Variants in TTC29 observed in about 807,000 individuals in gnomAD.
TTC29 encodes tetratricopeptide repeat domain 29, also known as tetratricopeptide repeat protein 29.
In TTC29, 49 loss-of-function variants were observed where a neutral mutation model predicts 58.1. The ratio of observed to expected loss-of-function variants is 0.84; its 90% confidence interval spans 0.67 to 1.07. The LOEUF (loss-of-function observed/expected upper bound fraction) is 1.07. Among genes scored for constraint, TTC29 ranks in the 50% least tolerant of loss-of-function variants. The pLI is 0.00. For missense variants in TTC29, 582 were observed against 555.6 expected, an observed-to-expected ratio of 1.05 and a Z score of -0.48; for synonymous variants, 209 against 196.8, an observed-to-expected ratio of 1.06 and a Z score of -0.52.
chr4:146,816,532 G>C (rs1038364500), intron 10 of TTC29, among the ~76,000 whole-genome samples: 9 of 152,060 alleles, frequency 5.9e-5, no homozygotes, highest in Non-Finnish European at 1.2e-4. Flanking sequence ...TGGTGGAGAT[G>C]GGGGAGAGGG....
intron 9 of TTC29, among the ~76,000 whole-genome samples, chr4:146,830,416 C>G (rs1728080718): frequency 6.6e-6 from 1 of 152,110 alleles, no homozygotes; most frequent in Non-Finnish European, 1.5e-5. Context: ...ATTCTTATAA[C>G]CATTTTAGAA....
intron 7 of TTC29, among the ~76,000 whole-genome samples, chr4:146,869,537 G>A (rs2150213332): frequency 6.6e-6 from 1 of 152,178 alleles, no homozygotes; most frequent in South Asian, 2.1e-4. Context: ...ACTAGTGAAG[G>A]GAAAAACAGA....
intron 8 of TTC29, among the ~76,000 whole-genome samples, chr4:146,866,123 G>C: frequency 6.6e-6 from 1 of 152,178 alleles, no homozygotes; most frequent in East Asian, 1.9e-4. Context: ...GAAAAGAACT[G>C]TGAGACTGAG....
chr4:146,728,372 G>C (rs1394292544), intron 11 of TTC29, among the ~76,000 whole-genome samples: 2 of 151,442 alleles, frequency 1.3e-5, no homozygotes, highest in African/African-American at 4.8e-5. Flanking sequence ...CATCTAAGTT[G>C]TTTGCAATCT....
intron 11 of TTC29, among the ~76,000 whole-genome samples, chr4:146,771,298 G>T (rs1174124505): frequency 2.0e-5 from 3 of 152,020 alleles, no homozygotes; most frequent in Non-Finnish European, 4.4e-5. Context: ...ACATGTGCAG[G>T]TTTGTTATAT....
chr4:146,797,832 T>TTATATA (rs70958528), intron 11 of TTC29, among the ~76,000 whole-genome samples: 11,468 of 129,602 alleles, frequency 0.088, 480 homozygotes, highest in Middle Eastern at 0.1. Flanking sequence ...TTACTTTGTT[T>TTATATA]TATATATATA....
intron 7 of TTC29, among the ~76,000 whole-genome samples, chr4:146,871,188 A>G (rs1296404984): frequency 6.6e-6 from 1 of 152,000 alleles, no homozygotes; most frequent in Non-Finnish European, 1.5e-5. Flanking sequence ...ACATATGCTA[A>G]TCAATTAGTA....
chr4:146,902,494 CA>C (rs1217280079), intron 6 of TTC29, among the ~76,000 whole-genome samples: 15 of 152,180 alleles, frequency 9.9e-5, no homozygotes, highest in Admixed American at 5.2e-4. Context: ...CCACACTTCC[CA>C]CTGGACGCAG....
At chr4:146,752,605 G>A (rs1192187324) in intron 11 of TTC29, among the ~76,000 whole-genome samples, 1 of 151,772 alleles carries the variant, frequency 6.6e-6, no homozygotes, top group Non-Finnish European at 1.5e-5. Flanking sequence ...TCAATCCTAA[G>A]CCAAAAGAAC....
chr4:146,900,266 A>G (rs768578189), intron 6 of TTC29, among the ~76,000 whole-genome samples: 68 of 152,390 alleles, frequency 4.5e-4, no homozygotes, highest in Non-Finnish European at 7.5e-4. Flanking sequence ...TTAAGGGCAT[A>G]GAAAAATATT....
chr4:146,907,721 A>G (rs1294606321), intron 5 of TTC29, among the ~76,000 whole-genome samples: 2 of 152,130 alleles, frequency 1.3e-5, no homozygotes, highest in African/African-American at 2.4e-5. Context: ...GCTGGTCTCA[A>G]ACTCCTGACC....
At chr4:146,928,277 T>C (rs1031086520) in intron 4 of TTC29, among the ~76,000 whole-genome samples, 5 of 152,184 alleles carry the variant, frequency 3.3e-5, no homozygotes, top group Non-Finnish European at 5.9e-5. Context: ...CTACTTATTA[T>C]GTGTGTGTCC....
intron 11 of TTC29, among the ~76,000 whole-genome samples, chr4:146,772,890 A>G (rs1043574626): frequency 2.0e-5 from 3 of 151,648 alleles, no homozygotes; most frequent in Non-Finnish European, 4.4e-5. Context: ...GTTATCTCTG[A>G]TATCTTTGAG....
chr4:146,840,529 TA>T (rs1206223672), intron 8 of TTC29, among the ~76,000 whole-genome samples: 11 of 152,108 alleles, frequency 7.2e-5, no homozygotes, highest in Admixed American at 6.6e-5. Flanking sequence ...TATAAAGGGC[TA>T]AAAATTTAGT....
chr4:146,746,159 A>AT (rs1293485337), intron 11 of TTC29, among the ~76,000 whole-genome samples: 7 of 152,130 alleles, frequency 4.6e-5, no homozygotes, highest in African/African-American at 1.7e-4. Context: ...GGGAGGATAG[A>AT]TTTTATGAAT....
At chr4:146,920,805 G>T (rs1409699805) in intron 4 of TTC29, among the ~76,000 whole-genome samples, 2 of 150,980 alleles carry the variant, frequency 1.3e-5, no homozygotes, top group African/African-American at 4.8e-5. Flanking sequence ...AAATCTGTAT[G>T]TCTTGGGTGA....
chr4:146,814,182 C>G (rs1751225810), intron 10 of TTC29, among the ~76,000 whole-genome samples: 1 of 152,102 alleles, frequency 6.6e-6, no homozygotes, highest in South Asian at 2.1e-4. Flanking sequence ...AGTTTCCGCT[C>G]TCATTAAACT....
At chr4:146,873,358 T>C (rs1238287353) in intron 7 of TTC29, among the ~76,000 whole-genome samples, 4 of 152,160 alleles carry the variant, frequency 2.6e-5, no homozygotes, top group African/African-American at 9.6e-5. Context: ...AAATATTTTT[T>C]GGTTTTAAAA....
intron 11 of TTC29, among the ~76,000 whole-genome samples, chr4:146,722,030 G>GAGTC (rs1215697248): frequency 6.2e-5 from 9 of 145,276 alleles, no homozygotes; most frequent in Non-Finnish European, 4.5e-5. Flanking sequence ...TTCAAGCTGA[G>GAGTC]AGTCAAATCA....
Sources: gnomAD v4.1 joint callset for allele counts (sites outside exome capture counted in the v4.1 genomes callset) on GRCh38, gnomAD v4.1.1 for gene constraint, MANE v1.5 for transcripts, NCBI Gene and HGNC (gene_info 2026-07-23, HGNC 2026-07-21) for gene names.